Variants in REC114 observed in about 807,000 individuals in gnomAD.
The protein encoded by REC114 is REC114 meiotic recombination protein.
Under a neutral mutation model 31.3 loss-of-function variants are expected in REC114, and 27 were observed. The observed-to-expected ratio is 0.86, with a 90% confidence interval of 0.64 to 1.19. REC114 has a LOEUF of 1.19. REC114 is among the 50% of genes most tolerant of loss of function. The pLI is 0.00. For synonymous variants in REC114, 134 were observed against 127.7 expected (o/e 1.05, Z -0.33); for missense variants, 344 against 326.9 (o/e 1.05, Z -0.40).
At chr15:73,465,065 T>G (rs1595862078) in intron 1 of REC114, among the ~76,000 whole-genome samples, 1 of 152,152 alleles carries the variant, frequency 6.6e-6, no homozygotes, top group East Asian at 1.9e-4. Flanking sequence ...CTAATTTTTG[T>G]ATTTTTAGTA....
At chr15:73,533,747 C>A (rs1441415619) in intron 2 of REC114, among the ~76,000 whole-genome samples, 1 of 145,640 alleles carries the variant, frequency 6.9e-6, no homozygotes, top group Non-Finnish European at 1.5e-5. Context: ...TTTTTCAGCA[C>A]CACACCACAC....
intron 1 of REC114, among the ~76,000 whole-genome samples, chr15:73,454,886 T>C (rs1044887039): frequency 1.3e-5 from 2 of 152,180 alleles, no homozygotes; most frequent in South Asian, 2.1e-4. Flanking sequence ...TTCTAAGGAG[T>C]TGATTGTTAT....
At chr15:73,547,620 A>G (rs1183531216) in intron 3 of REC114, among the ~76,000 whole-genome samples, 2 of 152,250 alleles carry the variant, frequency 1.3e-5, no homozygotes, top group Non-Finnish European at 2.9e-5. Context: ...TATTCACTAT[A>G]GCCAAGATAT....
chr15:73,474,850 T>C (rs1893189366), intron 2 of REC114, among the ~76,000 whole-genome samples: 1 of 152,206 alleles, frequency 6.6e-6, no homozygotes. Flanking sequence ...CACATGTGTA[T>C]GTTGTGATGA....
At chr15:73,457,359 A>G (rs1239686788) in intron 1 of REC114, among the ~76,000 whole-genome samples, 1 of 152,130 alleles carries the variant, frequency 6.6e-6, no homozygotes, top group Non-Finnish European at 1.5e-5. Context: ...TATGTTGATC[A>G]GTACTCAGCT....
At chr15:73,470,671 CAAGT>C (rs975460395) in intron 1 of REC114, among the ~76,000 whole-genome samples, 46 of 152,124 alleles carry the variant, frequency 3.0e-4, no homozygotes, top group African/African-American at 9.9e-4. Context: ...AGACTAGTAA[CAAGT>C]AAATATAACA....
At chr15:73,461,260 C>CTA (rs1314750312) in intron 1 of REC114, among the ~76,000 whole-genome samples, 1 of 152,010 alleles carries the variant, frequency 6.6e-6, no homozygotes, top group African/African-American at 2.4e-5. Context: ...ATAATACACT[C>CTA]TACAAGTTTG....
At chr15:73,521,435 T>C (rs1258718461) in intron 2 of REC114, among the ~76,000 whole-genome samples, 2 of 152,098 alleles carry the variant, frequency 1.3e-5, no homozygotes, top group Non-Finnish European at 2.9e-5. Context: ...TAAACTTCTA[T>C]CTCAGATTGA....
rs751821114 is a variant in REC114, at chr15:73,556,369, C to T, written c.614C>T (p.Thr205Ile). 1.2e-6 allele frequency: 2 copies of T among 1,613,714 alleles called. No homozygotes were observed. Among genetic ancestry groups the T allele is most frequent in the Non-Finnish European group, 1.7e-6 (2 of 1,179,732 alleles). Residue 205 changes from threonine (T) to isoleucine (I), a missense_variant, in exon 5 of 6, where the codon ACC becomes ATC. Coordinates refer to ENST00000331090, the MANE Select transcript of REC114 (RefSeq NM_001042367.2). ...GGCACAGGCGCTCCAGACGGAAGGA[C>T]CTCACTGACGCAGTTAGCTCAGGTA... ...TAGTGAPDGR[T>I]SLTQLAQTLL...
In REC114 at chr15:73,461,922, CTTTTTTTTTTT is replaced by C. The variant is rs961387922; in HGVS notation, c.160-11894_160-11884del. On this transcript the variant is annotated intron_variant, in intron 1 of 5. Transcript: ENST00000331090. Reference sequence around the variant, plus strand: ...ACATTTTTCTTTTTCTTTTTCTTTTCTTTTTTTTTTTTTTTTTTTTTTTTTTAAAGACAGAG... The same window carrying C: ...ACATTTTTCTTTTTCTTTTTCTTTTCTTTTTTTTTTTTTTTAAAGACAGAG... 7.7e-5 allele frequency among the ~76,000 whole-genome samples: 6 copies of C among 78,210 alleles called. No homozygotes were observed. The South Asian group carries it at 1.6e-3, about 21-fold the overall frequency. The allele number at this position is 78,210 out of a possible 152,430, so 51.3% of individuals were successfully genotyped here. A position where few individuals can be genotyped will look rare whatever the true frequency, so the allele number is the denominator to read the frequency against.
intron 5 of REC114, 29 bp from the exon 6 acceptor site, chr15:73,559,723 C>G (rs202229879): frequency 6.6e-7 from 1 of 1,512,366 alleles, no homozygotes; most frequent in Non-Finnish European, 8.8e-7. Flanking sequence ...TACCTGTAAT[C>G]TGTAACGACT....
intron 4 of REC114, among the ~76,000 whole-genome samples, chr15:73,556,063 A>G (rs1411135032): frequency 2.0e-5 from 3 of 152,196 alleles, no homozygotes; most frequent in African/African-American, 2.4e-5. Flanking sequence ...CAGCCTGCCA[A>G]CTGCTGAGGA....
chr15:73,494,372 G>A (rs1315151936), intron 2 of REC114, among the ~76,000 whole-genome samples: 1 of 151,716 alleles, frequency 6.6e-6, no homozygotes, highest in East Asian at 1.9e-4. Flanking sequence ...CGCACCTGTA[G>A]TCCCAGCTAC....
At chr15:73,480,657 A>T (rs571966080) in intron 2 of REC114, among the ~76,000 whole-genome samples, 12 of 152,216 alleles carry the variant, frequency 7.9e-5, no homozygotes, top group African/African-American at 2.9e-4. Context: ...CTCCTTTCAT[A>T]CTAATCTGGG....
intron 2 of REC114, among the ~76,000 whole-genome samples, chr15:73,521,795 A>G (rs1282170947): frequency 1.3e-5 from 2 of 152,198 alleles, no homozygotes; most frequent in Non-Finnish European, 2.9e-5. Context: ...AGTAAAATGT[A>G]TATTAAGGAA....
At chr15:73,517,756 G>C (rs1022727570) in intron 2 of REC114, among the ~76,000 whole-genome samples, 1 of 152,148 alleles carries the variant, frequency 6.6e-6, no homozygotes, top group Non-Finnish European at 1.5e-5. Context: ...TAGCCCTTCT[G>C]GTTCTTTGAA....
intron 2 of REC114, among the ~76,000 whole-genome samples, chr15:73,537,602 T>C (rs1485325593): frequency 6.6e-6 from 1 of 152,218 alleles, no homozygotes; most frequent in Non-Finnish European, 1.5e-5. Flanking sequence ...AAATTTACCC[T>C]CATTTTAAGT....
At chr15:73,511,827 G>A (rs1377132397) in intron 2 of REC114, among the ~76,000 whole-genome samples, 98 of 125,522 alleles carry the variant, frequency 7.8e-4, no homozygotes, top group African/African-American at 9.4e-4. Context: ...TATAATTTCT[G>A]TTCTTTTACA....
At chr15:73,481,650 CTTTTTTTTTTTTT>C (rs530704232) in intron 2 of REC114, among the ~76,000 whole-genome samples, 2 of 114,058 alleles carry the variant, frequency 1.8e-5, no homozygotes, top group Admixed American at 9.0e-5. Context: ...TCTTAACTCC[CTTTTTTTTTTTTT>C]TTTTTTTTTT....
Sources: gnomAD v4.1 joint callset for allele counts (sites outside exome capture counted in the v4.1 genomes callset) on GRCh38, gnomAD v4.1.1 for gene constraint, MANE v1.5 for transcripts, NCBI Gene and HGNC (gene_info 2026-07-23, HGNC 2026-07-21) for gene names.